The following KIFC3 variants were observed in gnomAD, a reference collection of about 807,000 sequenced individuals.
The protein encoded by KIFC3 is kinesin family member C3, also known as kinesin-like protein KIFC3.
A neutral mutation model predicts 101.8 loss-of-function variants in KIFC3; 60 were observed. The observed-to-expected ratio is 0.59, with a 90% CI of 0.48 to 0.73. The LOEUF (loss-of-function observed/expected upper bound fraction) is 0.73, where lower values mean the gene tolerates loss of function less well. Ranked by LOEUF, KIFC3 falls within the 30% of genes least tolerant of loss-of-function variation. The pLI is 0.00. For synonymous variants in KIFC3, 476 were observed against 482.7 expected, an observed-to-expected ratio of 0.99 and a Z score of 0.18; for missense variants, 966 against 1,137.1, an observed-to-expected ratio of 0.85 and a Z score of 2.16.
chr16:57,785,457 C>G, intron 3 of KIFC3: 1 of 1,283,024 alleles, frequency 7.8e-7, no homozygotes, highest in Non-Finnish European at 1.0e-6. Context: ...CCAGCCTCCC[C>G]AGGTACCTGG....
chr16:57,783,473 T>TTTCC (rs57871878), intron 3 of KIFC3, among the ~76,000 whole-genome samples: 1 of 115,576 alleles, frequency 8.7e-6, no homozygotes, highest in South Asian at 2.6e-4. Flanking sequence ...TTTTCTTTTC[T>TTTCC]TTTTTTTTTT....
intron 2 of KIFC3, chr16:57,797,656 AG>A: frequency 9.1e-7 from 1 of 1,096,450 alleles, no homozygotes; most frequent in Non-Finnish European, 1.1e-6. Context: ...CAGCCCAGGC[AG>A]GATCAAGTGT....
intron 3 of KIFC3, chr16:57,775,667 A>T (rs1045217083): frequency 2.0e-6 from 2 of 985,590 alleles, no homozygotes; most frequent in Middle Eastern, 5.2e-4. Context: ...CATGTCTCTA[A>T]GCCCAACAGG....
chr16:57,836,119 C>T (rs2055680566), intron 1 of KIFC3, among the ~76,000 whole-genome samples: 1 of 152,140 alleles, frequency 6.6e-6, no homozygotes, highest in Admixed American at 6.6e-5. Flanking sequence ...GGAATTTTCT[C>T]TGTTTTGCTT....
chr16:57,772,164 C>A, intron 4 of KIFC3, 59 bp downstream of exon 4: 1 of 1,470,824 alleles, frequency 6.8e-7, no homozygotes, highest in Non-Finnish European at 9.4e-7. Flanking sequence ...CCTGGCAGGG[C>A]CCATCTGCAC....
intron 12 of KIFC3, 111 bp from the exon 13 acceptor site, chr16:57,762,381 C>A: frequency 8.4e-7 from 1 of 1,193,900 alleles, no homozygotes; most frequent in Non-Finnish European, 1.1e-6. Flanking sequence ...CCTCCTTGCC[C>A]AAAGCTCTTA....
At position 57,769,985 on chromosome 16, in the gene KIFC3, T is replaced by G. The variant is rs368653378; in HGVS notation, c.940-30A>C. ...CCAGACCAGGAAAAGGCTCAGTACCTCGAGGTGCGGGAGAGAGAGGGGCAG... is the reference window on the plus strand; with the variant it reads ...CCAGACCAGGAAAAGGCTCAGTACCGCGAGGTGCGGGAGAGAGAGGGGCAG... On this transcript the variant is annotated intron_variant, in intron 7 of 19. Coordinates refer to ENST00000445690, the MANE Select transcript of KIFC3 (RefSeq NM_001130100.2). The surrounding 1 kb of genome is among the most constrained non-coding windows in gnomAD (Gnocchi z 4.3). The G allele has an allele frequency of 4.6e-5, 74 of 1,600,920 alleles. No individual in the cohort carries two copies. Among genetic ancestry groups the G allele is most frequent in the South Asian group, 3.6e-4 (33 of 90,684 alleles).
chr16:57,803,291 C>T (rs1555626226), upstream of KIFC3: 1 of 693,908 alleles, frequency 1.4e-6, no homozygotes, highest in African/African-American at 1.8e-5. Flanking sequence ...CCGGGAGAGA[C>T]AGCTGACCTG....
intron 1 of KIFC3, among the ~76,000 whole-genome samples, chr16:57,830,236 C>CTTTTTTTTTTTTT (rs34842791): frequency 5.9e-5 from 7 of 119,314 alleles, no homozygotes; most frequent in Non-Finnish European, 1.1e-4. Context: ...TTTTTTCTTT[C>CTTTTTTTTTTTTT]TTTTTTTTTT....
At chr16:57,761,366 G>A (rs1314268047) in intron 14 of KIFC3, 47 bp downstream of exon 14, 7 of 1,612,316 alleles carry the variant, frequency 4.3e-6, no homozygotes, top group Non-Finnish European at 5.9e-6. Context: ...ACCCAGTTGT[G>A]TCCTCTAGAG....
At chr16:57,788,980 C>G (rs2053610253) in intron 3 of KIFC3, among the ~76,000 whole-genome samples, 1 of 152,358 alleles carries the variant, frequency 6.6e-6, no homozygotes, top group South Asian at 2.1e-4. Context: ...TTAGGTACTT[C>G]AAGTTCTCAG....
In KIFC3 at chr16:57,787,416, C is replaced by G. The variant is rs143565907; in HGVS notation, c.315+7583G>C. On this transcript the variant is annotated intron_variant, in intron 3 of 19. Coordinates refer to ENST00000445690, the MANE Select transcript of KIFC3 (RefSeq NM_001130100.2). ...CTCATCCAGAACACTGCTCACGCCACGGGATGTCACCCCTGCAGGGGCTCG... is the reference window on the plus strand; with the variant it reads ...CTCATCCAGAACACTGCTCACGCCAGGGGATGTCACCCCTGCAGGGGCTCG... Among the ~76,000 whole-genome samples the G allele has an allele frequency of 3.9e-3, 593 of 152,346 alleles. 1 individual carries two copies. Among genetic ancestry groups the G allele is most frequent in the Non-Finnish European group, 6.2e-3 (420 of 68,040 alleles).
At chr16:57,774,826 CA>C (rs1567986982) in intron 3 of KIFC3, 22 of 1,279,104 alleles carry the variant, frequency 1.7e-5, no homozygotes, top group Non-Finnish European at 2.1e-5. Flanking sequence ...TGCGCCCGGC[CA>C]GTAATTTTTC....
intron 1 of KIFC3, among the ~76,000 whole-genome samples, chr16:57,857,793 TTTTA>T (rs1288997416): frequency 7.9e-5 from 10 of 126,722 alleles, no homozygotes; most frequent in African/African-American, 2.6e-4. Flanking sequence ...TTCTTTTTTT[TTTTA>T]TTTCTTTTCT....
intron 3 of KIFC3, among the ~76,000 whole-genome samples, chr16:57,772,667 T>G (rs763132481): frequency 1.3e-5 from 2 of 152,074 alleles, no homozygotes; most frequent in Non-Finnish European, 2.9e-5. Flanking sequence ...CTATGTAATT[T>G]TATGTTCTCT....
At chr16:57,856,149 C>A (rs1365808519) in intron 1 of KIFC3, among the ~76,000 whole-genome samples, 1 of 151,352 alleles carries the variant, frequency 6.6e-6, no homozygotes, top group East Asian at 1.9e-4. Flanking sequence ...CATAGCAAGA[C>A]CCTGTCTGTA....
chr16:57,807,342 A>G (rs183926100), upstream of KIFC3, among the ~76,000 whole-genome samples: 19 of 152,270 alleles, frequency 1.2e-4, 1 homozygote, highest in East Asian at 3.5e-3. Context: ...TCTTGGGCAC[A>G]TGACTCACCC....
upstream of KIFC3, chr16:57,803,524 G>A (rs1555626307): frequency 2.6e-6 from 1 of 391,076 alleles, no homozygotes; most frequent in African/African-American, 2.1e-5. Context: ...AGATCAAGGA[G>A]AGGACTGGAG....
At chr16:57,826,403 T>C (rs2055458030) in intron 1 of KIFC3, among the ~76,000 whole-genome samples, 1 of 152,250 alleles carries the variant, frequency 6.6e-6, no homozygotes, top group South Asian at 2.1e-4. Flanking sequence ...AATGCCCTTA[T>C]ACCTAGATCT....
Sources: allele counts gnomAD v4.1 joint callset (sites outside exome capture counted in the v4.1 genomes callset), GRCh38; gene constraint gnomAD v4.1.1; non-coding constraint Gnocchi (gnomAD v3.1); transcripts MANE v1.5; gene names NCBI Gene and HGNC (gene_info 2026-07-23, HGNC 2026-07-21).